Variants in TCF20 observed in about 807,000 individuals in gnomAD.
TCF20 encodes SPRE-binding protein.
TCF20 carries 3 observed loss-of-function variants against 148.6 expected under a neutral mutation model. That is an observed-to-expected ratio of 0.02 (90% CI 0.01 to 0.05). TCF20 has a LOEUF of 0.05. Among genes scored for constraint, TCF20 ranks in the 10% least tolerant of loss-of-function variants. TCF20 has a pLI of 1.00. For missense variants in TCF20, 2,350 were observed against 2,429.3 expected (o/e 0.97, Z 0.69); for synonymous variants, 1,049 against 909.5 (o/e 1.15, Z -2.76).
At chr22:42,296,248 T>C (rs947899340) in intron 1 of TCF20, among the ~76,000 whole-genome samples, 9 of 152,192 alleles carry the variant, frequency 5.9e-5, no homozygotes, top group African/African-American at 1.9e-4. Flanking sequence ...CGGGATGCTG[T>C]GTCCTTGACC....
chr22:42,177,020 T>C (rs1473568976), intron 3 of TCF20, among the ~76,000 whole-genome samples: 2 of 152,200 alleles, frequency 1.3e-5, no homozygotes, highest in Non-Finnish European at 2.9e-5. Context: ...ACAGACATGT[T>C]GTTTGAGACG....
intron 1 of TCF20, among the ~76,000 whole-genome samples, chr22:42,259,436 G>T (rs748450232): frequency 6.6e-6 from 1 of 152,112 alleles, no homozygotes; most frequent in Non-Finnish European, 1.5e-5. Flanking sequence ...GTACTCCTAG[G>T]CTGGAATTAT....
At chr22:42,313,112 C>T (rs931936548) in intron 1 of TCF20, among the ~76,000 whole-genome samples, 2 of 152,218 alleles carry the variant, frequency 1.3e-5, no homozygotes, top group African/African-American at 4.8e-5. Flanking sequence ...CCTTCCCCAC[C>T]TGGGAGTGCA....
intron 2 of TCF20, among the ~76,000 whole-genome samples, chr22:42,192,495 T>C (rs1288243997): frequency 6.6e-6 from 1 of 152,184 alleles, no homozygotes; most frequent in Non-Finnish European, 1.5e-5. Context: ...AGCCACCCTA[T>C]TCCTGGAAGT....
At chr22:42,240,249 G>C (rs2060547616) in intron 1 of TCF20, among the ~76,000 whole-genome samples, 1 of 152,162 alleles carries the variant, frequency 6.6e-6, no homozygotes, top group African/African-American at 2.4e-5. Flanking sequence ...TCAAAAATCA[G>C]GCGACTGGCT....
chr22:42,254,714 C>T (rs1925625363), intron 1 of TCF20, among the ~76,000 whole-genome samples: 1 of 152,206 alleles, frequency 6.6e-6, no homozygotes, highest in South Asian at 2.1e-4. Flanking sequence ...AGGAGCTGGT[C>T]CCAGCACTTT....
chr22:42,261,869 T>C (rs761803102), intron 1 of TCF20, among the ~76,000 whole-genome samples: 1 of 152,160 alleles, frequency 6.6e-6, no homozygotes, highest in South Asian at 2.1e-4. Context: ...CGGGCGCCTG[T>C]AATCCCAGCT....
At chr22:42,185,778 C>G (rs755621614) in intron 2 of TCF20, among the ~76,000 whole-genome samples, 1 of 152,210 alleles carries the variant, frequency 6.6e-6, no homozygotes, top group African/African-American at 2.4e-5. Flanking sequence ...GCTAGACGAT[C>G]TCCTTACGTT....
chr22:42,307,529 C>T (rs530176559), intron 1 of TCF20, among the ~76,000 whole-genome samples: 4 of 152,344 alleles, frequency 2.6e-5, no homozygotes, highest in African/African-American at 9.6e-5. Context: ...TGACTGATAC[C>T]AGCTTCATCT....
chr22:42,210,985 C>T lies in TCF20; in HGVS notation c.4321G>A (p.Val1441Met), dbSNP rs147643985. ...GTCTCTGTCTTCACTTTGTCATCCA[C>T]GCTGCCACGCCACTCTTCTGAAGAC... Reference protein sequence around the residue: ...PRSSEEWRGSVDDKVKTETHA... With the variant: ...PRSSEEWRGSMDDKVKTETHA... The change falls in exon 2 of 6, where the codon GTG becomes ATG. Residue 1441 changes from valine to methionine, a missense_variant. Val to Met is a conservative substitution (Grantham distance 21). Coordinates refer to ENST00000677622, the MANE Select transcript of TCF20 (RefSeq NM_001378418.1). This position sits in a 1 kb window ranked among gnomAD's most constrained non-coding sequence, Gnocchi z 4.7. 30 of 1,614,134 alleles carry T rather than the reference C, an allele frequency of 1.9e-5. No homozygotes were observed. The highest frequency in any genetic ancestry group is 1.2e-4 in the African/African-American group (9 of 75,024).
At chr22:42,230,377 C>T (rs1168418245) in intron 1 of TCF20, among the ~76,000 whole-genome samples, 1 of 152,154 alleles carries the variant, frequency 6.6e-6, no homozygotes, top group African/African-American at 2.4e-5. Flanking sequence ...AAAAGCATAG[C>T]ACATACAACT....
chr22:42,191,414 A>G (rs1937328535), intron 2 of TCF20, among the ~76,000 whole-genome samples: 1 of 151,984 alleles, frequency 6.6e-6, no homozygotes, highest in Admixed American at 6.6e-5. Flanking sequence ...CTTAGCCTCT[A>G]AAGTAGCTGG....
chr22:42,341,593 C>A (rs1013685561), intron 1 of TCF20, among the ~76,000 whole-genome samples: 1 of 152,154 alleles, frequency 6.6e-6, no homozygotes, highest in Non-Finnish European at 1.5e-5. Flanking sequence ...GCTTCTGACA[C>A]CTGCTCCTTG....
chr22:42,229,156 G>A (rs1028040731), intron 1 of TCF20, among the ~76,000 whole-genome samples: 2 of 152,054 alleles, frequency 1.3e-5, no homozygotes, highest in Non-Finnish European at 2.9e-5. Context: ...GAAAGGCAGT[G>A]GGGGGGTCCC....
chr22:42,169,910 G>T lies in TCF20; in HGVS notation c.5750-14C>A. ...GTAGCAAACAATCTGGAAGACAGAA[G>T]GGGACAGTCAGATGGAGACTTCACA... On this transcript the variant is annotated splice_polypyrimidine_tract_variant and intron_variant, in intron 3 of 5. Transcript: ENST00000677622. The T allele has an allele frequency of 1.2e-6, 2 of 1,613,274 alleles. No individual in the cohort carries two copies. The highest frequency in any genetic ancestry group is 1.7e-6 in the Non-Finnish European group (2 of 1,179,932).
Position 42,221,739 on chromosome 22 carries a change from G to GTTTTTT in TCF20, c.-36-6404_-36-6399dup, listed in dbSNP as rs59283483. ...GGGCTTATTAACCATATGGCAAAGGGTTTTTTTTTTTTTTTTTGAGACGGA... is the reference window on the plus strand; with the variant it reads ...GGGCTTATTAACCATATGGCAAAGGGTTTTTTTTTTTTTTTTTTTTTTTGAGACGGA... On this transcript the variant is annotated intron_variant, in intron 1 of 5. Coordinates refer to ENST00000677622, the MANE Select transcript of TCF20 (RefSeq NM_001378418.1). 1.5e-4 allele frequency among the ~76,000 whole-genome samples: 14 copies of GTTTTTT among 92,808 alleles called. 1 individual carries two copies. The highest frequency in any genetic ancestry group is 3.6e-4 in the South Asian group (1 of 2,750). 60.9% of individuals were successfully genotyped at this position (92,808 alleles called of 152,430 possible).
Position 42,242,141 on chromosome 22 carries a change from T to C in TCF20, c.-36-26800A>G, listed in dbSNP as rs7284377. Among the ~76,000 whole-genome samples the C allele has an allele frequency of 1.9e-3, 249 of 132,066 alleles. 2 individuals are homozygous for C. The highest frequency in any genetic ancestry group is 3.6e-3 in the South Asian group (15 of 4,170). 86.6% of individuals were successfully genotyped at this position (132,066 alleles called of 152,430 possible). ...TCACTTGAACCCAGGAGGCGGAGGT[T>C]GCAGTGAGCCGAAATCGCACCACCG... On this transcript the variant is annotated intron_variant, in intron 1 of 5. Coordinates refer to ENST00000677622, the MANE Select transcript of TCF20 (RefSeq NM_001378418.1).
intron 1 of TCF20, among the ~76,000 whole-genome samples, chr22:42,260,093 G>A (rs1925950421): frequency 6.6e-6 from 1 of 152,186 alleles, no homozygotes; most frequent in Admixed American, 6.5e-5. Flanking sequence ...TTCAGAGAAG[G>A]TCACATTTAG....
chr22:42,303,904 G>A (rs551562442), intron 1 of TCF20, among the ~76,000 whole-genome samples: 10 of 151,776 alleles, frequency 6.6e-5, no homozygotes, highest in South Asian at 2.1e-4. Flanking sequence ...AGAGGGGAGA[G>A]AGAGAAGAGA....
Sources: gnomAD v4.1 joint callset for allele counts (sites outside exome capture counted in the v4.1 genomes callset) on GRCh38, gnomAD v4.1.1 for gene constraint, Gnocchi (gnomAD v3.1) non-coding constraint, MANE v1.5 for transcripts, NCBI Gene and HGNC (gene_info 2026-07-23, HGNC 2026-07-21) for gene names.